The following KIAA1614 variants were observed in gnomAD, a reference collection of about 807,000 sequenced individuals.
KIAA1614 encodes KIAA1614.
Under a neutral mutation model 88.7 loss-of-function variants are expected in KIAA1614, and 76 were observed. The ratio of observed to expected loss-of-function variants is 0.86; its 90% CI spans 0.71 to 1.04. The LOEUF (loss-of-function observed/expected upper bound fraction) is 1.04. Among genes scored for constraint, KIAA1614 ranks in the 50% least tolerant of loss-of-function variants. The pLI, the probability that KIAA1614 is intolerant of heterozygous loss-of-function variation, is 0.00. For synonymous variants in KIAA1614, 714 were observed against 675.5 expected, an observed-to-expected ratio of 1.06 and a Z score of -0.88; for missense variants, 1,553 against 1,582.5, an observed-to-expected ratio of 0.98 and a Z score of 0.32.
chr1:180,913,217 C>A lies in KIAA1614; in HGVS notation c.-27C>A. 8.0e-7 allele frequency: 1 copy of A among 1,256,366 alleles called. No individual in the cohort carries two copies. The highest frequency in any genetic ancestry group is 1.0e-6 in the Non-Finnish European group (1 of 994,242). The allele number at this position is 1,256,366 out of a possible 1,614,324, so 77.8% of individuals were successfully genotyped here. A position where few individuals can be genotyped will look rare whatever the true frequency, so the allele number is the denominator to read the frequency against. ...CAGCTGGCCTGGGAGGGAGAAGGGG[C>A]TGGAGAGGGCCTGGCCTCTCCGAGG... On this transcript the variant is annotated 5_prime_UTR_variant, in exon 1 of 9. It adds an upstream start codon to the 5' untranslated region. Transcript: ENST00000367588.
intron 3 of KIAA1614, among the ~76,000 whole-genome samples, chr1:180,923,938 C>T (rs530324863): frequency 6.5e-4 from 99 of 151,448 alleles, no homozygotes; most frequent in African/African-American, 1.7e-3. Flanking sequence ...CAAAGGAAAG[C>T]CCCCTTACCA....
At position 180,930,633 on chromosome 1, in the gene KIAA1614, T is replaced by C. The variant is rs114306420; in HGVS notation, c.1205+2060T>C. Among the ~76,000 whole-genome samples the C allele has an allele frequency of 3.4e-3, 512 of 152,292 alleles. 6 individuals carry two copies. The highest frequency in any genetic ancestry group is 9.7e-3 in the African/African-American group (404 of 41,538). ...GGTCCTCTTGGACACTTCTTCCTCA[T>C]GTCACTCTAGCAGCTCACAACAACC... On this transcript the variant is annotated intron_variant, in intron 4 of 8. Transcript: ENST00000367588.
In KIAA1614 at chr1:180,949,298, A is replaced by C. The variant is rs1654676557; in HGVS notation, c.*3710A>C. On this transcript the variant is annotated 3_prime_UTR_variant, in exon 9 of 9. Coordinates refer to ENST00000367588, the MANE Select transcript of KIAA1614 (RefSeq NM_020950.2). Reference sequence around the variant, plus strand: ...GGTGTGCCCCGCAGTCCCTCCAGCAAACTCAGCTTGTGTCTCAGCCCCTGT... The same window carrying C: ...GGTGTGCCCCGCAGTCCCTCCAGCACACTCAGCTTGTGTCTCAGCCCCTGT... 6.6e-6 allele frequency: 1 copy of C among 152,368 alleles called. No homozygotes were observed. Among genetic ancestry groups the C allele is most frequent in the African/African-American group, 2.4e-5 (1 of 41,474 alleles). 9.4% of individuals were successfully genotyped at this position (152,368 alleles called of 1,614,324 possible).
intron 1 of KIAA1614, among the ~76,000 whole-genome samples, chr1:180,914,297 G>A (rs1274881434): frequency 6.6e-6 from 1 of 152,212 alleles, no homozygotes; most frequent in Non-Finnish European, 1.5e-5. Flanking sequence ...CTTGTGAAGG[G>A]ATAAACATCA....
At position 180,912,954 on chromosome 1, in the gene KIAA1614, C is replaced by A. The variant is rs1366292521; in HGVS notation, c.-290C>A. ...ACAGCTGATGCCACTTCCTTCCCTG[C>A]CAGCGCCCTCCCTGCCCGACCCCGC... On this transcript the variant is annotated 5_prime_UTR_variant, in exon 1 of 9. Transcript: ENST00000367588. This position sits in a 1 kb window ranked among gnomAD's most constrained non-coding sequence, Gnocchi z 5.1. Among the ~76,000 whole-genome samples the A allele has an allele frequency of 6.6e-6, 1 of 151,914 alleles. No homozygotes were observed. The highest frequency in any genetic ancestry group is 1.5e-5 in the Non-Finnish European group (1 of 67,936).
intron 3 of KIAA1614, among the ~76,000 whole-genome samples, chr1:180,920,598 A>G (rs1191009969): frequency 6.6e-6 from 1 of 152,222 alleles, no homozygotes; most frequent in East Asian, 1.9e-4. Flanking sequence ...CAACCAAGTT[A>G]ACCTAGCATG....
intron 1 of KIAA1614, among the ~76,000 whole-genome samples, chr1:180,914,460 A>T (rs760468952): frequency 3.3e-5 from 5 of 152,176 alleles, no homozygotes; most frequent in Admixed American, 6.5e-5. Context: ...TGGTTTCCAA[A>T]CTGGGCCTCC....
chr1:180,939,712 C>T (rs1350183346), intron 6 of KIAA1614, among the ~76,000 whole-genome samples: 3 of 152,224 alleles, frequency 2.0e-5, no homozygotes, highest in Non-Finnish European at 2.9e-5. Context: ...CATTCTCCTA[C>T]TGAAAACCCT....
At chr1:180,921,094 G>A (rs1214379128) in intron 3 of KIAA1614, among the ~76,000 whole-genome samples, 1 of 152,122 alleles carries the variant, frequency 6.6e-6, no homozygotes, top group Non-Finnish European at 1.5e-5. Flanking sequence ...TTTCACCTGG[G>A]TGCAGAAGGG....
chr1:180,917,455 G>A (rs1305534296), intron 2 of KIAA1614, among the ~76,000 whole-genome samples: 1 of 128,940 alleles, frequency 7.8e-6, no homozygotes, highest in African/African-American at 2.6e-5. Flanking sequence ...CCTTAGTGAG[G>A]GCCCTCTGGT....
intron 2 of KIAA1614, 53 bp downstream of exon 2, chr1:180,917,153 A>G: frequency 7.1e-7 from 1 of 1,410,274 alleles, no homozygotes; most frequent in South Asian, 1.3e-5. Flanking sequence ...GGGAATCCAG[A>G]GGGAGGAAAA....
intron 3 of KIAA1614, among the ~76,000 whole-genome samples, chr1:180,927,666 G>A (rs890341063): frequency 2.6e-5 from 4 of 152,120 alleles, no homozygotes; most frequent in African/African-American, 4.8e-5. Flanking sequence ...CTTTGAAAAC[G>A]GACTGCTGTC....
At chr1:180,943,787 A>G (rs961431512) in intron 7 of KIAA1614, among the ~76,000 whole-genome samples, 8 of 151,858 alleles carry the variant, frequency 5.3e-5, no homozygotes, top group African/African-American at 1.7e-4. Context: ...ACCTCAGGTG[A>G]TCTGCCCGCC....
intron 3 of KIAA1614, among the ~76,000 whole-genome samples, chr1:180,920,082 C>T (rs755139261): frequency 6.6e-6 from 1 of 152,190 alleles, no homozygotes; most frequent in Non-Finnish European, 1.5e-5. Context: ...CCTCGCTTGG[C>T]GCTCTGCAGT....
intron 8 of KIAA1614, 160 bp downstream of exon 8, chr1:180,944,676 T>C (rs1189431586): frequency 3.9e-5 from 28 of 719,984 alleles, no homozygotes; most frequent in Non-Finnish European, 5.4e-5. Context: ...GCCACGGGAG[T>C]CTCAGCACCT....
chr1:180,939,911 C>G (rs572727634), intron 6 of KIAA1614, among the ~76,000 whole-genome samples: 14 of 152,228 alleles, frequency 9.2e-5, no homozygotes, highest in Non-Finnish European at 1.9e-4. Flanking sequence ...AGAGCTCTTC[C>G]TGCCCCAAGG....
intron 2 of KIAA1614, among the ~76,000 whole-genome samples, 171 bp from the exon 3 acceptor site, chr1:180,917,680 C>T (rs1653850662): frequency 1.3e-5 from 2 of 152,160 alleles, no homozygotes; most frequent in African/African-American, 4.8e-5. Context: ...ATGGCTGTGC[C>T]CACAGCAGTC....
rs1654719812 is a variant in KIAA1614 at position 180,951,188 on chromosome 1, T to C, written c.*5600T>C. The C allele has an allele frequency of 6.6e-6, 1 of 150,636 alleles. No homozygotes were observed. Among genetic ancestry groups the C allele is most frequent in the South Asian group, 2.1e-4 (1 of 4,774 alleles). The allele number at this position is 150,636 out of a possible 1,614,324, so 9.3% of individuals were successfully genotyped here. On this transcript the variant is annotated 3_prime_UTR_variant, in exon 9 of 9. Coordinates refer to ENST00000367588, the MANE Select transcript of KIAA1614 (RefSeq NM_020950.2). ...ATTAAAAATTTCTAGGAAAATTTTT[T>C]TATACATAAAGTTGAAAACAACAAC... is the stretch of plus-strand genomic sequence containing the variant.
chr1:180,916,105 G>C lies in KIAA1614; in HGVS notation c.51-49G>C, dbSNP rs751536042. 5 of 1,448,428 alleles carry C rather than the reference G, an allele frequency of 3.5e-6. No individual in the cohort carries two copies. In the East Asian group the frequency reaches 1.1e-4, roughly 33 times the overall value. The allele number at this position is 1,448,428 out of a possible 1,614,324, so 89.7% of individuals were successfully genotyped here. Reference sequence around the variant, plus strand: ...CTTTGGGGCCCCGGGAGGTTGTGGGGGTTAGTCCTGTGCTGGGTCTTAGGA... The same window carrying C: ...CTTTGGGGCCCCGGGAGGTTGTGGGCGTTAGTCCTGTGCTGGGTCTTAGGA... On this transcript the variant is annotated intron_variant, in intron 1 of 8. Transcript: ENST00000367588.
Sources: allele counts gnomAD v4.1 joint callset (sites outside exome capture counted in the v4.1 genomes callset), GRCh38; gene constraint gnomAD v4.1.1; non-coding constraint Gnocchi (gnomAD v3.1); transcripts MANE v1.5; gene names NCBI Gene and HGNC (gene_info 2026-07-23, HGNC 2026-07-21).